SNW1: variants seen among roughly 807,000 people sequenced by gnomAD.
SNW1 encodes SNW domain-containing protein 1.
Under a neutral mutation model 75.6 loss-of-function variants are expected in SNW1, and 9 were observed. That is an observed-to-expected ratio of 0.12 (90% CI 0.07 to 0.21). The LOEUF (loss-of-function observed/expected upper bound fraction) is 0.21, where lower values mean the gene tolerates loss of function less well. Among genes scored for constraint, SNW1 ranks in the 10% least tolerant of loss-of-function variants. The pLI, the probability that SNW1 is intolerant of heterozygous loss-of-function variation, is 1.00. For synonymous variants in SNW1, 200 were observed against 219.1 expected (o/e 0.91, Z 0.77); for missense variants, 409 against 670.9 (o/e 0.61, Z 4.31).
At chr14:77,726,869 C>T (rs926179543) in intron 10 of SNW1, among the ~76,000 whole-genome samples, 1 of 151,950 alleles carries the variant, frequency 6.6e-6, no homozygotes, top group Non-Finnish European at 1.5e-5. Flanking sequence ...ATAAATGGGA[C>T]TGCCTTCTTG....
At chr14:77,743,753 T>C (rs1464237287) in intron 3 of SNW1, among the ~76,000 whole-genome samples, 1 of 151,942 alleles carries the variant, frequency 6.6e-6, no homozygotes, top group Non-Finnish European at 1.5e-5. Context: ...ACAATGGGGG[T>C]AGGATGGGGA....
chr14:77,758,777 C>G (rs1285445570), intron 1 of SNW1, among the ~76,000 whole-genome samples: 1 of 152,206 alleles, frequency 6.6e-6, no homozygotes, highest in Non-Finnish European at 1.5e-5. Context: ...ACTCAACAAT[C>G]AACAACACAC....
chr14:77,725,189 G>T (rs1180452646), intron 10 of SNW1, among the ~76,000 whole-genome samples: 1 of 152,148 alleles, frequency 6.6e-6, no homozygotes, highest in Non-Finnish European at 1.5e-5. Context: ...TTTAAAATCA[G>T]ATTATCTCGT....
intron 10 of SNW1, among the ~76,000 whole-genome samples, chr14:77,728,123 G>A (rs1307912294): frequency 6.6e-6 from 1 of 151,526 alleles, no homozygotes; most frequent in Non-Finnish European, 1.5e-5. Flanking sequence ...AATTCTTTCA[G>A]CTTTTCTGTA....
chr14:77,751,040 A>AAT (rs1482252005), intron 3 of SNW1, among the ~76,000 whole-genome samples: 1 of 152,178 alleles, frequency 6.6e-6, no homozygotes, highest in Non-Finnish European at 1.5e-5. Context: ...GAATGCTAGT[A>AAT]ATATAAAGTA....
chr14:77,752,787 TTAAG>T (rs1414953262), intron 2 of SNW1, among the ~76,000 whole-genome samples: 1 of 152,226 alleles, frequency 6.6e-6, no homozygotes, highest in African/African-American at 2.4e-5. Context: ...CAAGACCTCT[TTAAG>T]TAATACTCCG....
At chr14:77,720,633 TA>T in intron 12 of SNW1, 77 bp downstream of exon 12, 1 of 939,492 alleles carries the variant, frequency 1.1e-6, no homozygotes, top group Non-Finnish European at 1.8e-6. Context: ...CATCCAAATG[TA>T]AAGTATGTTA....
intron 2 of SNW1, among the ~76,000 whole-genome samples, chr14:77,754,131 GC>G (rs999179862): frequency 2.0e-5 from 3 of 151,468 alleles, no homozygotes; most frequent in Non-Finnish European, 4.4e-5. Flanking sequence ...CACAACCTCT[GC>G]CTCCCAGGTT....
At chr14:77,756,145 G>C (rs2080841199) in intron 1 of SNW1, among the ~76,000 whole-genome samples, 1 of 151,380 alleles carries the variant, frequency 6.6e-6, no homozygotes, top group Non-Finnish European at 1.5e-5. Flanking sequence ...TTTTGAGACA[G>C]AGTCTCGTTC....
At chr14:77,735,653 A>G (rs1351731627) in intron 7 of SNW1, among the ~76,000 whole-genome samples, 1 of 152,112 alleles carries the variant, frequency 6.6e-6, no homozygotes, top group Non-Finnish European at 1.5e-5. Flanking sequence ...TCAAATTACC[A>G]GGGACCTAAT....
intron 7 of SNW1, 89 bp downstream of exon 7, chr14:77,735,848 G>A (rs2080666764): frequency 1.2e-6 from 1 of 855,896 alleles, no homozygotes; most frequent in Non-Finnish European, 1.9e-6. Context: ...TCAGTGTGGT[G>A]ACATGCACCT....
intron 12 of SNW1, among the ~76,000 whole-genome samples, chr14:77,719,348 T>G (rs1000371248): frequency 1.4e-4 from 21 of 152,170 alleles, no homozygotes; most frequent in Admixed American, 9.8e-4. Context: ...TAAGAAAGCT[T>G]TGAAATTGGC....
chr14:77,723,345 GTA>G, intron 10 of SNW1, 68 bp from the exon 11 acceptor site: 1 of 1,164,550 alleles, frequency 8.6e-7, no homozygotes, highest in Non-Finnish European at 1.3e-6. Context: ...GTACACGTGT[GTA>G]TATATATAAT....
In SNW1 at chr14:77,740,135, T is replaced by TA. The variant is rs1170373918; in HGVS notation, c.331-1075dup. On this transcript the variant is annotated intron_variant, in intron 3 of 13. Coordinates refer to ENST00000261531, the MANE Select transcript of SNW1 (RefSeq NM_012245.3). ...GGTGACAGAGCAAGACACTGTATATTAAAAAAAAAAAAAAAAAAAAAAAGA... is the reference window on the plus strand; with the variant it reads ...GGTGACAGAGCAAGACACTGTATATTAAAAAAAAAAAAAAAAAAAAAAAAGA... 9.9e-3 allele frequency among the ~76,000 whole-genome samples: 645 copies of TA among 65,170 alleles called. 12 individuals are homozygous for TA. The highest frequency in any genetic ancestry group is 0.019 in the South Asian group (25 of 1,322). The allele number at this position is 65,170 out of a possible 152,430, so 42.8% of individuals were successfully genotyped here.
intron 10 of SNW1, among the ~76,000 whole-genome samples, chr14:77,725,571 T>C (rs1033865125): frequency 2.6e-5 from 4 of 152,230 alleles, no homozygotes; most frequent in African/African-American, 9.7e-5. Context: ...CACAGCATTA[T>C]GTATTGAAGA....
chr14:77,760,742 G>C (rs796871776), intron 1 of SNW1: 1 of 702,620 alleles, frequency 1.4e-6, no homozygotes, highest in East Asian at 2.7e-5. Context: ...CGCAGCCCGC[G>C]CGCTTCACTC....
At chr14:77,740,197 T>TA (rs2080707541) in intron 3 of SNW1, among the ~76,000 whole-genome samples, 1 of 147,818 alleles carries the variant, frequency 6.8e-6, no homozygotes, top group African/African-American at 2.5e-5. Context: ...ATAGGCATTC[T>TA]ACCTTTAATG....
chr14:77,733,462 A>G (rs1566829572), intron 8 of SNW1, among the ~76,000 whole-genome samples: 1 of 151,654 alleles, frequency 6.6e-6, no homozygotes, highest in Non-Finnish European at 1.5e-5. Context: ...TAGAAAAAAA[A>G]GGCTGGGTGC....
intron 1 of SNW1, among the ~76,000 whole-genome samples, chr14:77,760,227 T>C (rs2080876301): frequency 6.6e-6 from 1 of 152,146 alleles, no homozygotes; most frequent in African/African-American, 2.4e-5. Context: ...ATTAAAACTT[T>C]TGGAGTCATA....
Sources: gnomAD v4.1 joint callset for allele counts (sites outside exome capture counted in the v4.1 genomes callset) on GRCh38, gnomAD v4.1.1 for gene constraint, MANE v1.5 for transcripts, NCBI Gene and HGNC (gene_info 2026-07-23, HGNC 2026-07-21) for gene names.